Variants in RYK observed in about 807,000 individuals in gnomAD.
RYK encodes inactive tyrosine-protein kinase RYK.
A neutral mutation model predicts 70.2 loss-of-function variants in RYK; 21 were observed. That is an observed-to-expected ratio of 0.30 (90% CI 0.21 to 0.43). The LOEUF (loss-of-function observed/expected upper bound fraction) is 0.43. Ranked by LOEUF, RYK falls within the 20% of genes least tolerant of loss-of-function variation. The probability of loss-of-function intolerance (pLI) is 1.00; values close to 1 mark genes in which losing one functional copy is unlikely to be tolerated. For synonymous variants in RYK, 267 were observed against 278.0 expected (o/e 0.96, Z 0.39); for missense variants, 604 against 753.3 (o/e 0.80, Z 2.32).
intron 10 of RYK, chr3:134,180,747 T>A (rs959877736): frequency 1.3e-5 from 2 of 152,208 alleles, no homozygotes; most frequent in South Asian, 2.1e-4. Flanking sequence ...AATAATATAC[T>A]TTCTACATGC....
At chr3:134,231,145 C>T (rs2015047830) in intron 1 of RYK, among the ~76,000 whole-genome samples, 1 of 150,178 alleles carries the variant, frequency 6.7e-6, no homozygotes, top group African/African-American at 2.5e-5. Flanking sequence ...GTAAATTCAA[C>T]TCCATGTTAA....
chr3:134,162,656 C>T (rs2012518223), intron 13 of RYK, among the ~76,000 whole-genome samples: 1 of 152,046 alleles, frequency 6.6e-6, no homozygotes, highest in African/African-American at 2.4e-5. Context: ...TCTTTAAAAC[C>T]TTACTGTATA....
intron 7 of RYK, 44 bp from the exon 8 acceptor site, chr3:134,192,018 ATTATGG>A (rs777731623): frequency 6.2e-7 from 1 of 1,602,884 alleles, no homozygotes; most frequent in Admixed American, 1.7e-5. Flanking sequence ...AAATACCCTT[ATTATGG>A]TATTGGAGTC....
At chr3:134,192,245 C>T (rs1167569053) in intron 7 of RYK, among the ~76,000 whole-genome samples, 3 of 152,160 alleles carry the variant, frequency 2.0e-5, no homozygotes, top group African/African-American at 7.2e-5. Context: ...CCATGACCAC[C>T]ACTTCAATTG....
chr3:134,193,204 G>C (rs1376213083), intron 7 of RYK, among the ~76,000 whole-genome samples: 1 of 145,634 alleles, frequency 6.9e-6, no homozygotes, highest in South Asian at 2.1e-4. Context: ...TTTTTTTTGA[G>C]ACGGAGTCTC....
chr3:134,219,644 G>T (rs1299713752), intron 2 of RYK, among the ~76,000 whole-genome samples: 1 of 152,170 alleles, frequency 6.6e-6, no homozygotes, highest in Non-Finnish European at 1.5e-5. Flanking sequence ...ACTTTTTGGA[G>T]AATATAAGAA....
In RYK at chr3:134,202,831, A is replaced by C; in HGVS notation, c.687T>G (p.Phe229Leu). 6.2e-7 allele frequency: 1 copy of C among 1,613,742 alleles called. No homozygotes were observed. Among genetic ancestry groups the C allele is most frequent in the Non-Finnish European group, 8.5e-7 (1 of 1,179,722 alleles). Residue 229 changes from phenylalanine to leucine, a missense_variant, in exon 6 of 15, where the codon TTT becomes TTG. By Grantham distance (22) the Phe-to-Leu change is conservative. This residue lies in a region of RYK where 466 missense variants were observed against 535.9 expected (regional missense o/e 0.87). Transcript: ENST00000623711. ...HAAPTTSTRV[F>L]YISVGVCCAV... ...CACAACAAACCCCTACACTAATATA[A>C]AACACACGCGTAGAAGTGGTTGGAG...
intron 1 of RYK, among the ~76,000 whole-genome samples, chr3:134,223,098 C>G (rs1166729790): frequency 6.6e-6 from 1 of 152,162 alleles, no homozygotes; most frequent in Non-Finnish European, 1.5e-5. Context: ...ATGCTGTCTT[C>G]CCTACCAAGA....
intron 1 of RYK, among the ~76,000 whole-genome samples, 195 bp downstream of exon 1, chr3:134,250,228 G>A (rs2015576399): frequency 6.6e-6 from 1 of 152,066 alleles, no homozygotes; most frequent in Non-Finnish European, 1.5e-5. Flanking sequence ...GGCTGACCCA[G>A]AGCTGGGGAC....
At chr3:134,193,116 T>G (rs981470586) in intron 7 of RYK, among the ~76,000 whole-genome samples, 1 of 152,188 alleles carries the variant, frequency 6.6e-6, no homozygotes, top group Non-Finnish European at 1.5e-5. Flanking sequence ...GTAATGGCCA[T>G]GATTACAAAC....
rs1300126758 is a variant in RYK, at chr3:134,158,222, C to T, written c.1755G>A (p.Glu585=). Residue 585 remains glutamate (E), a synonymous_variant, in exon 15 of 15, where the codon GAG becomes GAA. Coordinates refer to ENST00000623711, the MANE Select transcript of RYK (RefSeq NM_002958.4). ...GTACCAGCTGCTGAAACTTGGGCCT[C>T]TCCTCTGGATCTAAGGCCCAGCAAC... The part of the protein sequence containing the change: ...MACCWALDPE[E]RPKFQQLVQC... The T allele has an allele frequency of 6.3e-7, 1 of 1,577,648 alleles. No homozygotes were observed. The highest frequency in any genetic ancestry group is 1.8e-5 in the Admixed American group (1 of 55,916).
chr3:134,204,248 G>A (rs781283614), intron 5 of RYK, among the ~76,000 whole-genome samples: 10 of 151,898 alleles, frequency 6.6e-5, no homozygotes, highest in Non-Finnish European at 1.3e-4. Flanking sequence ...TAATCCCAGC[G>A]CTTTGGGAGG....
intron 9 of RYK, among the ~76,000 whole-genome samples, chr3:134,187,958 T>C (rs894750519): frequency 1.3e-5 from 2 of 151,960 alleles, no homozygotes; most frequent in East Asian, 3.8e-4. Flanking sequence ...TAATAGGAAA[T>C]AAGCCATATG....
At chr3:134,182,522 A>G (rs2013331588) in intron 10 of RYK, among the ~76,000 whole-genome samples, 1 of 152,200 alleles carries the variant, frequency 6.6e-6, no homozygotes, top group Non-Finnish European at 1.5e-5. Flanking sequence ...ATCTAGAGAT[A>G]TGTCTCTAGA....
chr3:134,204,560 C>A (rs1219919196), intron 5 of RYK, among the ~76,000 whole-genome samples: 11 of 148,192 alleles, frequency 7.4e-5, no homozygotes, highest in Admixed American at 5.4e-4. Context: ...GCCTCAGCAA[C>A]AGGGAAAATA....
Position 134,157,231 on chromosome 3 carries a change from T to A in RYK, c.*922A>T, listed in dbSNP as rs1251011915. 3 of 151,820 alleles carry A rather than the reference T, an allele frequency of 2.0e-5. No individual in the cohort carries two copies. Among genetic ancestry groups the A allele is most frequent in the Non-Finnish European group, 2.9e-5 (2 of 67,876 alleles). The allele number at this position is 151,820 out of a possible 1,614,324, so 9.4% of individuals were successfully genotyped here. ...AGCACAAAATTTACCAGTTTACATT[T>A]AAAAAACAAACAAAAAACGACAACA... On this transcript the variant is annotated 3_prime_UTR_variant, in exon 15 of 15. Coordinates refer to ENST00000623711, the MANE Select transcript of RYK (RefSeq NM_002958.4).
intron 1 of RYK, among the ~76,000 whole-genome samples, chr3:134,226,238 A>G (rs1431468161): frequency 6.6e-6 from 1 of 152,158 alleles, no homozygotes; most frequent in East Asian, 1.9e-4. Context: ...TAGATGTTAA[A>G]AAGATAAAAA....
intron 10 of RYK, among the ~76,000 whole-genome samples, chr3:134,182,410 T>A (rs1215991416): frequency 2.0e-5 from 3 of 152,152 alleles, no homozygotes; most frequent in Non-Finnish European, 4.4e-5. Context: ...TAAAGAAAAC[T>A]ATCTTCTTTT....
intron 8 of RYK, among the ~76,000 whole-genome samples, chr3:134,189,846 G>C (rs1223554649): frequency 6.6e-6 from 1 of 151,318 alleles, no homozygotes; most frequent in Non-Finnish European, 1.5e-5. Flanking sequence ...AATCCATCTA[G>C]ATTTTATTAC....
Sources: allele counts gnomAD v4.1 joint callset (sites outside exome capture counted in the v4.1 genomes callset), GRCh38; gene constraint gnomAD v4.1.1; regional missense constraint gnomAD v4.1.1; transcripts MANE v1.5; gene names NCBI Gene and HGNC (gene_info 2026-07-23, HGNC 2026-07-21).